Variants in FAAH2 observed in about 807,000 individuals in gnomAD.
The protein encoded by FAAH2 is fatty-acid amide hydrolase 2.
Under a neutral mutation model 36.9 loss-of-function variants are expected in FAAH2, and 60 were observed. That is an observed-to-expected ratio of 1.63 (90% CI 1.32 to 2.02). The LOEUF is 2.02. FAAH2 is among the 30% of genes most tolerant of loss of function. FAAH2 has a pLI of 0.00. For synonymous variants in FAAH2, 214 were observed against 143.8 expected (o/e 1.49, Z -3.49); for missense variants, 689 against 397.5 (o/e 1.73, Z -6.23).
At chrX:57,267,478 C>G in the FAAH2 span, among the ~76,000 whole-genome samples, 121 of 112,785 alleles carry the variant, frequency 1.1e-3, no homozygotes, top group Non-Finnish European at 1.7e-3. Context: ...CACCACAAAC[C>G]AGGACCATCT....
chrX:57,417,935 G>A (rs1569330549), intron 7 of FAAH2, among the ~76,000 whole-genome samples: 1 of 111,857 alleles, frequency 8.9e-6, no homozygotes, highest in Non-Finnish European at 1.9e-5. Flanking sequence ...TTCCAAGTGA[G>A]GAGGAATCTA....
At chrX:57,183,817 T>A in the FAAH2 span, among the ~76,000 whole-genome samples, 1 of 111,370 alleles carries the variant, frequency 9.0e-6, no homozygotes, top group Non-Finnish European at 1.9e-5. Flanking sequence ...TCTGACTGCC[T>A]GTGGGGTCGG....
the FAAH2 span, among the ~76,000 whole-genome samples, chrX:57,223,545 T>C: frequency 9.0e-6 from 1 of 111,150 alleles, no homozygotes; most frequent in Non-Finnish European, 1.9e-5. Context: ...AGAAATTACC[T>C]AGTCCTGCTC....
the FAAH2 span, among the ~76,000 whole-genome samples, chrX:57,257,653 G>A: frequency 9.1e-6 from 1 of 110,153 alleles, no homozygotes; most frequent in South Asian, 4.0e-4. Context: ...TAAAAAAACT[G>A]CACATTCTGC....
chrX:57,163,463 G>T, the FAAH2 span, among the ~76,000 whole-genome samples: 1 of 111,744 alleles, frequency 8.9e-6, no homozygotes, highest in African/African-American at 3.3e-5. Context: ...CCCCAGCCTC[G>T]CTGCCGCCTT....
In FAAH2 at chrX:57,341,267, G is replaced by A. The variant is rs1465644081; in HGVS notation, c.623-4G>A. On this transcript the variant is annotated splice_region_variant and splice_polypyrimidine_tract_variant and intron_variant, in intron 4 of 10. Coordinates refer to ENST00000374900, the MANE Select transcript of FAAH2 (RefSeq NM_174912.4). ...TATTTGCAAGTATTTTGTGTTTCTTGTAGGTGGTGAGGGCTGCACACTGGC... is the reference window on the plus strand; with the variant it reads ...TATTTGCAAGTATTTTGTGTTTCTTATAGGTGGTGAGGGCTGCACACTGGC... The A allele has an allele frequency of 3.3e-6, 4 of 1,200,269 alleles. No homozygotes were observed. The highest frequency in any genetic ancestry group is 3.7e-5 in the South Asian group (2 of 54,630).
chrX:57,210,972 G>T, the FAAH2 span, among the ~76,000 whole-genome samples: 3 of 111,587 alleles, frequency 2.7e-5, no homozygotes, highest in South Asian at 1.1e-3. Context: ...TTCCAAATAA[G>T]ACATGAAAAA....
At chrX:57,202,046 T>C in the FAAH2 span, among the ~76,000 whole-genome samples, 3 of 102,154 alleles carry the variant, frequency 2.9e-5, no homozygotes, top group African/African-American at 4.0e-5. Context: ...CTTCCCTATA[T>C]TATCCTGAAT....
At chrX:57,298,860 CG>C (rs2052233368) in intron 2 of FAAH2, among the ~76,000 whole-genome samples, 1 of 105,213 alleles carries the variant, frequency 9.5e-6, no homozygotes, top group South Asian at 4.4e-4. Flanking sequence ...CTAGAAGAAA[CG>C]GATAAATTCC....
At chrX:57,202,727 C>A in the FAAH2 span, among the ~76,000 whole-genome samples, 1 of 111,967 alleles carries the variant, frequency 8.9e-6, no homozygotes, top group Non-Finnish European at 1.9e-5. Flanking sequence ...TTCAGTGAAG[C>A]ATGTTCCCCA....
chrX:57,272,162 A>T, the FAAH2 span, among the ~76,000 whole-genome samples: 1 of 107,676 alleles, frequency 9.3e-6, no homozygotes, highest in African/African-American at 3.4e-5. Context: ...GTGATTGAAG[A>T]CCAACTTAAT....
chrX:57,247,829 C>T, the FAAH2 span, among the ~76,000 whole-genome samples: 10 of 112,204 alleles, frequency 8.9e-5, no homozygotes, highest in Non-Finnish European at 1.1e-4. Flanking sequence ...TGGTCATAGG[C>T]GAGTGCTTCA....
the FAAH2 span, chrX:57,135,591 C>A: frequency 3.2e-6 from 2 of 626,769 alleles, no homozygotes; most frequent in Non-Finnish European, 4.7e-6. Context: ...TCCTTCCATG[C>A]CCCATCTACC....
the FAAH2 span, among the ~76,000 whole-genome samples, chrX:57,188,244 T>C: frequency 4.5e-5 from 5 of 111,578 alleles, no homozygotes; most frequent in Non-Finnish European, 7.5e-5. Flanking sequence ...TCAGAACTTG[T>C]TATTGGTCTA....
intron 5 of FAAH2, among the ~76,000 whole-genome samples, chrX:57,369,434 A>G (rs1270408063): frequency 9.0e-6 from 1 of 111,306 alleles, no homozygotes; most frequent in Non-Finnish European, 1.9e-5. Context: ...TTATAATCAC[A>G]CTGTTAAGAC....
At chrX:57,143,683 G>T in the FAAH2 span, among the ~76,000 whole-genome samples, 9 of 110,736 alleles carry the variant, frequency 8.1e-5, no homozygotes, top group South Asian at 1.6e-3. Context: ...TCTCCATGTT[G>T]CCTGGGCTGG....
At chrX:57,312,720 A>G (rs1170032368) in intron 3 of FAAH2, among the ~76,000 whole-genome samples, 1 of 111,177 alleles carries the variant, frequency 9.0e-6, no homozygotes, top group Non-Finnish European at 1.9e-5. Context: ...GAAAGGATCC[A>G]CAAATATAGC....
chrX:57,420,481 A>T (rs1287056540), intron 7 of FAAH2, among the ~76,000 whole-genome samples: 1 of 111,639 alleles, frequency 9.0e-6, no homozygotes, highest in African/African-American at 3.3e-5. Context: ...TCTTTGAAGT[A>T]ATTGTGAATG....
chrX:57,249,467 C>T, the FAAH2 span, among the ~76,000 whole-genome samples: 2,729 of 112,034 alleles, frequency 0.024, 99 homozygotes, highest in African/African-American at 0.084. Context: ...AACTTCCAGG[C>T]CCCAGACCCT....
Sources: gnomAD v4.1 joint callset for allele counts (sites outside exome capture counted in the v4.1 genomes callset) on GRCh38, gnomAD v4.1.1 for gene constraint, MANE v1.5 for transcripts, NCBI Gene and HGNC (gene_info 2026-07-23, HGNC 2026-07-21) for gene names.